Variants in FOXP1 observed in about 807,000 individuals in gnomAD.
The protein encoded by FOXP1 is forkhead box protein P1.
In FOXP1, 15 loss-of-function variants were observed where a neutral mutation model predicts 98.2. The ratio of observed to expected loss-of-function variants is 0.15; its 90% CI spans 0.10 to 0.24. The LOEUF is 0.24. Among genes scored for constraint, FOXP1 ranks in the 10% least tolerant of loss-of-function variants. The probability of loss-of-function intolerance (pLI) is 1.00; values close to 1 mark genes in which losing one functional copy is unlikely to be tolerated. For synonymous variants in FOXP1, 371 were observed against 314.5 expected, an observed-to-expected ratio of 1.18 and a Z score of -1.90; for missense variants, 633 against 848.5, an observed-to-expected ratio of 0.75 and a Z score of 3.15.
At chr3:71,337,615 T>C (rs544388147) in intron 4 of FOXP1, among the ~76,000 whole-genome samples, 1 of 152,318 alleles carries the variant, frequency 6.6e-6, no homozygotes, top group East Asian at 1.9e-4. Flanking sequence ...AAAGGGCATA[T>C]ACCTTCCAGA....
chr3:71,386,997 C>T (rs942579460), intron 3 of FOXP1, among the ~76,000 whole-genome samples: 1 of 152,090 alleles, frequency 6.6e-6, no homozygotes, highest in Admixed American at 6.6e-5. Flanking sequence ...GCTCTGTGTA[C>T]CAACCAAAGG....
intron 6 of FOXP1, among the ~76,000 whole-genome samples, chr3:71,144,968 T>G (rs746606445): frequency 5.9e-5 from 9 of 152,216 alleles, no homozygotes; most frequent in Non-Finnish European, 1.0e-4. Flanking sequence ...TTTGACTTAA[T>G]ACCTCTGAGA....
At chr3:71,225,525 A>G (rs944812742) in intron 5 of FOXP1, among the ~76,000 whole-genome samples, 2 of 34,554 alleles carry the variant, frequency 5.8e-5, no homozygotes, top group African/African-American at 6.1e-4. Flanking sequence ...GAAGGAAAAA[A>G]ATTTCTGAGC....
intron 11 of FOXP1, among the ~76,000 whole-genome samples, chr3:71,032,536 G>C (rs2047010485): frequency 6.6e-6 from 1 of 152,128 alleles, no homozygotes; most frequent in South Asian, 2.1e-4. Flanking sequence ...CTTAGGCCTT[G>C]ACTGATTACA....
intron 3 of FOXP1, among the ~76,000 whole-genome samples, chr3:71,479,925 C>G (rs966199787): frequency 3.3e-5 from 5 of 152,036 alleles, no homozygotes; most frequent in Admixed American, 3.3e-4. Flanking sequence ...AGGCTGGGTA[C>G]GGTGGCTCAC....
At chr3:71,051,318 C>T (rs2049859199) in intron 9 of FOXP1, among the ~76,000 whole-genome samples, 2 of 152,184 alleles carry the variant, frequency 1.3e-5, no homozygotes, top group Non-Finnish European at 2.9e-5. Flanking sequence ...CCCCTTCACC[C>T]CAAAACTGCC....
At chr3:71,417,237 T>C (rs991623462) in intron 3 of FOXP1, among the ~76,000 whole-genome samples, 6 of 152,146 alleles carry the variant, frequency 3.9e-5, no homozygotes, top group Admixed American at 3.3e-4. Context: ...ACGATGCAAA[T>C]AAACATTTTG....
chr3:71,082,945 C>T (rs2054610206), intron 7 of FOXP1, among the ~76,000 whole-genome samples: 2 of 152,208 alleles, frequency 1.3e-5, no homozygotes, highest in South Asian at 4.1e-4. Context: ...AGCACTTACT[C>T]CTCCATCTTC....
At chr3:71,237,427 G>A (rs2066895364) in intron 5 of FOXP1, among the ~76,000 whole-genome samples, 1 of 151,992 alleles carries the variant, frequency 6.6e-6, no homozygotes, top group Non-Finnish European at 1.5e-5. Context: ...GGGCTAGCTA[G>A]CCACGCTTCC....
chr3:70,993,820 C>T (rs1047069295), intron 13 of FOXP1, among the ~76,000 whole-genome samples: 1 of 151,894 alleles, frequency 6.6e-6, no homozygotes, highest in African/African-American at 2.4e-5. Flanking sequence ...CATGATGAAA[C>T]CTGTCTCTAC....
chr3:71,582,820 G>T (rs1442294506), intron 1 of FOXP1: 30 of 984,270 alleles, frequency 3.0e-5, no homozygotes, highest in Admixed American at 6.1e-5. Flanking sequence ...GGCTCCGAGG[G>T]GGTGGCGGGA....
chr3:71,085,062 T>G (rs905340565), intron 7 of FOXP1, among the ~76,000 whole-genome samples: 6 of 152,248 alleles, frequency 3.9e-5, no homozygotes, highest in African/African-American at 1.4e-4. Flanking sequence ...ACTCAAAGAA[T>G]TTGCCAAAAG....
At chr3:71,269,280 G>A (rs190237336) in intron 5 of FOXP1, among the ~76,000 whole-genome samples, 5 of 151,658 alleles carry the variant, frequency 3.3e-5, no homozygotes, top group Admixed American at 6.6e-5. Context: ...ATTTTAATCC[G>A]AAATTGCCAG....
chr3:71,146,919 C>T (rs1482658616), intron 6 of FOXP1, among the ~76,000 whole-genome samples: 1 of 152,236 alleles, frequency 6.6e-6, no homozygotes, highest in Non-Finnish European at 1.5e-5. Context: ...AGCCATCCAT[C>T]ACCAGCGAGC....
rs7626075 is a variant in FOXP1, at chr3:71,111,702, A to T, written c.282+834T>A. On this transcript the variant is annotated intron_variant, in intron 7 of 20. Transcript: ENST00000649528. ...GCGTGAGCCACCATGCCTGGCCCCAAATTAGATTTTTATAAACTTACTCAT... is the reference window on the plus strand; with the variant it reads ...GCGTGAGCCACCATGCCTGGCCCCATATTAGATTTTTATAAACTTACTCAT... Among the ~76,000 whole-genome samples the T allele has an allele frequency of 8.5e-3, 1,294 of 152,208 alleles. 15 individuals are homozygous for T. The highest frequency in any genetic ancestry group is 0.027 in the African/African-American group (1,139 of 41,534).
intron 20 of FOXP1, among the ~76,000 whole-genome samples, chr3:70,962,148 A>C (rs975117904): frequency 6.6e-6 from 1 of 152,198 alleles, no homozygotes; most frequent in African/African-American, 2.4e-5. Flanking sequence ...TTCAGCAGGA[A>C]TGCTATTTTT....
intron 13 of FOXP1, among the ~76,000 whole-genome samples, chr3:70,995,615 C>A (rs1439766725): frequency 6.6e-6 from 1 of 152,180 alleles, no homozygotes; most frequent in African/African-American, 2.4e-5. Flanking sequence ...TCACACACCT[C>A]TCAGGGTTTA....
At chr3:71,247,427 G>C (rs11712599) in intron 5 of FOXP1, among the ~76,000 whole-genome samples, 16,757 of 152,154 alleles carry the variant, frequency 0.11, 1,012 homozygotes, top group South Asian at 0.27. Flanking sequence ...CTTACGGAAT[G>C]CCATTGATTG....
intron 3 of FOXP1, among the ~76,000 whole-genome samples, chr3:71,486,529 A>G (rs1277564990): frequency 6.6e-6 from 1 of 152,206 alleles, no homozygotes; most frequent in Non-Finnish European, 1.5e-5. Flanking sequence ...TTACGGGCCA[A>G]GAGGGTAACA....
Sources: allele counts gnomAD v4.1 joint callset (sites outside exome capture counted in the v4.1 genomes callset), GRCh38; gene constraint gnomAD v4.1.1; transcripts MANE v1.5; gene names NCBI Gene and HGNC (gene_info 2026-07-23, HGNC 2026-07-21).